The following TRAF6 variants were observed in gnomAD, a reference collection of about 807,000 sequenced individuals.
TRAF6 encodes the protein TNF receptor associated factor 6, also known as TNF receptor-associated factor 6.
A neutral mutation model predicts 48.4 loss-of-function variants in TRAF6; 10 were observed. The ratio of observed to expected loss-of-function variants is 0.21; its 90% confidence interval spans 0.13 to 0.35. TRAF6 has a LOEUF of 0.35. Ranked by LOEUF, TRAF6 falls within the 10% of genes least tolerant of loss-of-function variation. TRAF6 has a pLI of 1.00. For missense variants in TRAF6, 397 were observed against 661.0 expected (o/e 0.60, Z 4.38); for synonymous variants, 186 against 219.6 (o/e 0.85, Z 1.35).
chr11:36,492,536 A>G lies in TRAF6; in HGVS notation c.756+15T>C. On this transcript the variant is annotated intron_variant, in intron 6 of 6. Coordinates refer to ENST00000526995, the MANE Select transcript of TRAF6 (RefSeq NM_004620.4). ...TTTACTTATATTCAAGAATTAAAAG[A>G]AAAAAAAACCTTACCTTTTCATGGC... 2 of 1,524,394 alleles carry G rather than the reference A, an allele frequency of 1.3e-6. No individual in the cohort carries two copies. The highest frequency in any genetic ancestry group is 1.8e-6 in the Non-Finnish European group (2 of 1,124,750). The allele number at this position is 1,524,394 out of a possible 1,614,324, so 94.4% of individuals were successfully genotyped here.
chr11:36,499,024 T>C (rs1859680182), intron 2 of TRAF6, among the ~76,000 whole-genome samples: 1 of 152,230 alleles, frequency 6.6e-6, no homozygotes, highest in Non-Finnish European at 1.5e-5. Flanking sequence ...AGATGGAATA[T>C]GCTGCTCACA....
rs1367153401 is a variant in TRAF6 at position 36,498,487 on chromosome 11, T to C, written c.447+3A>G. On this transcript the variant is annotated splice_donor_region_variant and intron_variant, in intron 3 of 6. Transcript: ENST00000526995. ...GCTAACAGCTAGAAAAGAACTTTAA[T>C]ACCTCAAGATGTCTCAGTTCCATCT... The C allele has an allele frequency of 1.2e-6, 2 of 1,604,418 alleles. No individual in the cohort carries two copies. The highest frequency in any genetic ancestry group is 1.7e-6 in the Non-Finnish European group (2 of 1,177,640).
intron 6 of TRAF6, among the ~76,000 whole-genome samples, chr11:36,491,926 T>C (rs1395758215): frequency 6.6e-6 from 1 of 152,176 alleles, no homozygotes; most frequent in Non-Finnish European, 1.5e-5. Context: ...ATTTTTTTTT[T>C]AAACTCTACC....
At chr11:36,504,325 G>A (rs191994302) in intron 1 of TRAF6, among the ~76,000 whole-genome samples, 85 of 152,236 alleles carry the variant, frequency 5.6e-4, no homozygotes, top group African/African-American at 2.0e-3. Flanking sequence ...TATCAACTAA[G>A]TTTGTAGAAT....
At chr11:36,496,976 T>C in intron 4 of TRAF6, 132 bp downstream of exon 4, 2 of 979,930 alleles carry the variant, frequency 2.0e-6, no homozygotes, top group Non-Finnish European at 2.9e-6. Context: ...TTAAAAATCA[T>C]TTTTCCCAAA....
intron 5 of TRAF6, among the ~76,000 whole-genome samples, chr11:36,493,199 A>G (rs1859586933): frequency 6.6e-6 from 1 of 152,224 alleles, no homozygotes; most frequent in Admixed American, 6.5e-5. Flanking sequence ...TCAGTCCTGG[A>G]TTTTGGGACT....
chr11:36,490,617 C>T lies in TRAF6; in HGVS notation c.790G>A (p.Glu264Lys). The T allele has an allele frequency of 6.2e-7, 1 of 1,611,504 alleles. No individual in the cohort carries two copies. Among genetic ancestry groups the T allele is most frequent in the Non-Finnish European group, 8.5e-7 (1 of 1,177,934 alleles). ...QRNHLARHLQENTQSHMRMLA... is the reference protein window; with the variant it reads ...QRNHLARHLQKNTQSHMRMLA... ...ATTCTCATGTGTGACTGGGTGTTCT[C>T]TTGTAGGTGGCGTGCCAAGTGATTC... The change falls in exon 7 of 7, where the codon GAG (glutamate) becomes AAG (lysine). Residue 264 changes from glutamate (E) to lysine (K), a missense_variant. By Grantham distance (56) the Glu-to-Lys change is moderately conservative. Transcript: ENST00000526995. The surrounding 1 kb of genome is among the most constrained non-coding windows in gnomAD (Gnocchi z 6.4).
intron 5 of TRAF6, among the ~76,000 whole-genome samples, chr11:36,492,929 C>A (rs1374724952): frequency 1.3e-5 from 2 of 152,122 alleles, no homozygotes; most frequent in Admixed American, 1.3e-4. Flanking sequence ...AGAAAAAACA[C>A]CTAACAATAG....
rs190256383 is a variant in TRAF6 at position 36,501,516 on chromosome 11, A to T, written c.-1T>A. ...TGTTTTCACAGTTTAGCAGACTCATAGTAACTTGATTATCACTTGCTCTGT... is the reference window on the plus strand; with the variant it reads ...TGTTTTCACAGTTTAGCAGACTCATTGTAACTTGATTATCACTTGCTCTGT... On this transcript the variant is annotated 5_prime_UTR_variant, in exon 2 of 7. Coordinates refer to ENST00000526995, the MANE Select transcript of TRAF6 (RefSeq NM_004620.4). The T allele has an allele frequency of 1.9e-5, 30 of 1,594,832 alleles. No individual in the cohort carries two copies. The African/African-American group carries it at 3.8e-4, about 20-fold the overall frequency.
intron 2 of TRAF6, among the ~76,000 whole-genome samples, chr11:36,499,686 T>C (rs1859690139): frequency 6.6e-6 from 1 of 152,182 alleles, no homozygotes; most frequent in African/African-American, 2.4e-5. Flanking sequence ...TTCCCCAAAA[T>C]TGAAACAGCA....
chr11:36,492,526 G>T (rs778445996), intron 6 of TRAF6, 25 bp downstream of exon 6: 8 of 1,550,300 alleles, frequency 5.2e-6, no homozygotes, highest in Non-Finnish European at 5.3e-6. Flanking sequence ...TTATATTCAA[G>T]AATTAAAAGA....
At chr11:36,509,666 G>C (rs964376701) in intron 1 of TRAF6, among the ~76,000 whole-genome samples, 1 of 152,152 alleles carries the variant, frequency 6.6e-6, no homozygotes, top group Admixed American at 6.5e-5. Flanking sequence ...GGTTTTTTAG[G>C]GGGTGGAATG....
intron 1 of TRAF6, among the ~76,000 whole-genome samples, chr11:36,503,985 C>A (rs950678600): frequency 2.0e-5 from 3 of 152,188 alleles, no homozygotes; most frequent in Non-Finnish European, 2.9e-5. Context: ...ATTAAGTGTG[C>A]AATAGCATTA....
intron 1 of TRAF6, among the ~76,000 whole-genome samples, chr11:36,509,386 G>A (rs957307226): frequency 2.0e-5 from 3 of 151,254 alleles, no homozygotes; most frequent in Admixed American, 6.6e-5. Flanking sequence ...GAACTACCGA[G>A]TTTAGGGGCG....
chr11:36,509,343 G>C (rs112083173), intron 1 of TRAF6, among the ~76,000 whole-genome samples: 3 of 152,070 alleles, frequency 2.0e-5, no homozygotes, highest in Non-Finnish European at 2.9e-5. Flanking sequence ...ACTAGGAACA[G>C]CTTTATCAAC....
At chr11:36,498,728 A>C in intron 2 of TRAF6, 88 bp from the exon 3 acceptor site, 13 of 1,352,868 alleles carry the variant, frequency 9.6e-6, no homozygotes, top group South Asian at 1.5e-5. Flanking sequence ...TAAATTCTCC[A>C]TTTACTGTTT....
At chr11:36,504,079 G>A (rs1331464483) in intron 1 of TRAF6, among the ~76,000 whole-genome samples, 2 of 152,168 alleles carry the variant, frequency 1.3e-5, no homozygotes, top group East Asian at 3.8e-4. Flanking sequence ...CCTTCAGCGA[G>A]CTATAATATT....
rs982689850 is a variant in TRAF6 at position 36,510,096 on chromosome 11, C to G, written c.-71G>C. ...AACCAGGAGGGCAGGGCTCCCCCAC[C>G]AACCGCACGACTCCGCTCAGCCAAG... On this transcript the variant is annotated 5_prime_UTR_variant, in exon 1 of 7. Transcript: ENST00000526995. 3.9e-5 allele frequency: 6 copies of G among 152,552 alleles called. No individual in the cohort carries two copies. The highest frequency in any genetic ancestry group is 6.5e-5 in the Admixed American group (1 of 15,312). The allele number at this position is 152,552 out of a possible 1,614,324, so 9.4% of individuals were successfully genotyped here.
At chr11:36,495,879 T>G (rs1590637962) in intron 4 of TRAF6, among the ~76,000 whole-genome samples, 2 of 151,880 alleles carry the variant, frequency 1.3e-5, no homozygotes, top group East Asian at 3.9e-4. Context: ...GCAACAGGAG[T>G]GAAACTCCAT....
Sources: allele counts gnomAD v4.1 joint callset (sites outside exome capture counted in the v4.1 genomes callset), GRCh38; gene constraint gnomAD v4.1.1; non-coding constraint Gnocchi (gnomAD v3.1); transcripts MANE v1.5; gene names NCBI Gene and HGNC (gene_info 2026-07-23, HGNC 2026-07-21).